BRD8: variants seen among roughly 807,000 people sequenced by gnomAD.
The protein encoded by BRD8 is bromodomain-containing protein 8.
A neutral mutation model predicts 143.1 loss-of-function variants in BRD8; 67 were observed. The observed-to-expected ratio is 0.47, with a 90% CI of 0.38 to 0.57. The LOEUF (loss-of-function observed/expected upper bound fraction) is 0.57. BRD8 is among the 20% of genes least tolerant of loss of function. The pLI is 0.00. For missense variants in BRD8, 1,103 were observed against 1,503.0 expected (o/e 0.73, Z 4.40); for synonymous variants, 505 against 517.1 (o/e 0.98, Z 0.32).
intron 6 of BRD8, 119 bp from the exon 7 acceptor site, chr5:138,170,528 C>A: frequency 9.3e-7 from 1 of 1,078,962 alleles, no homozygotes; most frequent in Non-Finnish European, 1.4e-6. Context: ...AAGGCCTAAA[C>A]AGGAATTCTA....
chr5:138,173,673 C>A (rs1040914331), intron 2 of BRD8, among the ~76,000 whole-genome samples: 5 of 152,236 alleles, frequency 3.3e-5, no homozygotes, highest in African/African-American at 9.6e-5. Context: ...GCTTAGGCAA[C>A]CTCCCACTGC....
intron 20 of BRD8, among the ~76,000 whole-genome samples, chr5:138,153,492 C>T (rs959396090): frequency 6.6e-6 from 1 of 152,066 alleles, no homozygotes; most frequent in African/African-American, 2.4e-5. Flanking sequence ...TCCCAAATCT[C>T]TCTACCTTTA....
intron 10 of BRD8, 132 bp from the exon 11 acceptor site, chr5:138,166,240 G>T: frequency 1.4e-6 from 1 of 708,954 alleles, no homozygotes; most frequent in Non-Finnish European, 2.4e-6. Context: ...ATCAACATGT[G>T]CCTATGTTTT....
intron 20 of BRD8, among the ~76,000 whole-genome samples, chr5:138,155,074 G>A (rs1452687549): frequency 2.6e-5 from 4 of 151,854 alleles, no homozygotes; most frequent in South Asian, 2.1e-4. Flanking sequence ...CAAGTGATCC[G>A]CCCACCTTGG....
At chr5:138,143,547 G>A (rs1044428957) in intron 25 of BRD8, among the ~76,000 whole-genome samples, 1 of 152,164 alleles carries the variant, frequency 6.6e-6, no homozygotes, top group African/African-American at 2.4e-5. Flanking sequence ...GGGCTTCTGG[G>A]TTGGGTGGGA....
chr5:138,145,135 A>G (rs750992659), intron 25 of BRD8, 42 bp downstream of exon 25: 1 of 1,558,240 alleles, frequency 6.4e-7, no homozygotes, highest in East Asian at 2.2e-5. Flanking sequence ...GAAAAGGCAG[A>G]TATAAAAGCA....
intron 20 of BRD8, among the ~76,000 whole-genome samples, chr5:138,155,105 A>G (rs1752528581): frequency 6.6e-6 from 1 of 151,892 alleles, no homozygotes; most frequent in Admixed American, 6.6e-5. Flanking sequence ...TGCTGGGATT[A>G]CAGGTGTGAG....
At chr5:138,168,757 G>A in intron 8 of BRD8, 2 of 795,360 alleles carry the variant, frequency 2.5e-6, no homozygotes, top group Non-Finnish European at 4.2e-6. Context: ...ATCTGTATGG[G>A]TTAGTGTGTC....
intron 23 of BRD8, among the ~76,000 whole-genome samples, chr5:138,148,171 A>G (rs867403057): frequency 6.0e-4 from 91 of 150,424 alleles, no homozygotes; most frequent in South Asian, 2.9e-3. Context: ...AAAAAAAAAA[A>G]AAAAAGAAAA....
chr5:138,140,773 T>C lies in BRD8; in HGVS notation c.3547A>G (p.Asn1183Asp). 1 of 1,614,138 alleles carries C rather than the reference T, an allele frequency of 6.2e-7. No individual in the cohort carries two copies. Among genetic ancestry groups the C allele is most frequent in the Non-Finnish European group, 8.5e-7 (1 of 1,180,018 alleles). Residue 1183 changes from asparagine (N) to aspartate (D), a missense_variant, in exon 26 of 27, where the codon AAT becomes GAT. Asn to Asp is a conservative substitution (Grantham distance 23). This residue lies in a region of BRD8 where 369 missense variants were observed against 445.5 expected (regional missense o/e 0.83). Coordinates refer to ENST00000254900, the MANE Select transcript of BRD8 (RefSeq NM_139199.2). ...TGGTATACATGATGATCAGAGTCAT[T>C]GTACATTACAGCATTTTGGAACATC... ...MLMFQNAVMYNDSDHHVYHMA... is the reference protein window; with the variant it reads ...MLMFQNAVMYDDSDHHVYHMA...
At position 138,161,574 on chromosome 5, in the gene BRD8, C is replaced by A. The variant is rs531026101; in HGVS notation, c.2249+222G>T. On this transcript the variant is annotated intron_variant, in intron 17 of 26. Transcript: ENST00000254900. ...CAAGTGATTCACCCACCTCAGCACCCCCAAAGATTACAGGCGTGAGCCACC... is the reference window on the plus strand; with the variant it reads ...CAAGTGATTCACCCACCTCAGCACCACCAAAGATTACAGGCGTGAGCCACC... Among the ~76,000 whole-genome samples, 9 of 152,292 alleles carry A rather than the reference C, an allele frequency of 5.9e-5. No homozygotes were observed. In the East Asian group the frequency reaches 1.7e-3, roughly 29 times the overall value.
chr5:138,174,333 G>A (rs1041719590), intron 2 of BRD8, among the ~76,000 whole-genome samples: 5 of 152,118 alleles, frequency 3.3e-5, no homozygotes, highest in African/African-American at 9.7e-5. Flanking sequence ...CGTAGCTCAT[G>A]CCTGTAATCC....
chr5:138,141,132 A>ATT (rs34463315), intron 25 of BRD8, among the ~76,000 whole-genome samples: 5 of 144,598 alleles, frequency 3.5e-5, no homozygotes, highest in Non-Finnish European at 3.0e-5. Flanking sequence ...TTAATATCTC[A>ATT]TTTTTTTTTT....
chr5:138,166,341 C>T (rs2151205267), intron 10 of BRD8, 177 bp downstream of exon 10: 2 of 617,690 alleles, frequency 3.2e-6, no homozygotes, highest in South Asian at 2.0e-5. Context: ...TACATAAATG[C>T]CCACCCACCT....
At chr5:138,176,922 C>A (rs1347001376) in intron 2 of BRD8, among the ~76,000 whole-genome samples, 2 of 150,666 alleles carry the variant, frequency 1.3e-5, no homozygotes, top group Non-Finnish European at 3.0e-5. Context: ...CCCATCTCTA[C>A]AAAAAAATAA....
intron 15 of BRD8, among the ~76,000 whole-genome samples, chr5:138,162,812 T>G (rs1561609273): frequency 6.6e-6 from 1 of 151,926 alleles, no homozygotes; most frequent in Non-Finnish European, 1.5e-5. Context: ...GCCTGGGCAA[T>G]GTAGCAAAAC....
At chr5:138,170,240 A>G (rs1174932979) in intron 7 of BRD8, 105 bp downstream of exon 7, 2 of 849,210 alleles carry the variant, frequency 2.4e-6, no homozygotes, top group South Asian at 1.5e-5. Flanking sequence ...GAAAACTGCA[A>G]GTAAATTTAA....
chr5:138,163,353 C>A lies in BRD8; in HGVS notation c.1873-9G>T. 1 of 1,612,266 alleles carries A rather than the reference C, an allele frequency of 6.2e-7. No homozygotes were observed. Among genetic ancestry groups the A allele is most frequent in the Non-Finnish European group, 8.5e-7 (1 of 1,178,560 alleles). On this transcript the variant is annotated splice_polypyrimidine_tract_variant and intron_variant, in intron 14 of 26. Coordinates refer to ENST00000254900, the MANE Select transcript of BRD8 (RefSeq NM_139199.2). ...TCCTCACCTGGGGCATCCTTAGATACAGTATGCTCCAGTTAACAAATGCAA... is the reference window on the plus strand; with the variant it reads ...TCCTCACCTGGGGCATCCTTAGATAAAGTATGCTCCAGTTAACAAATGCAA...
chr5:138,151,826 G>A (rs1201937056), intron 21 of BRD8, among the ~76,000 whole-genome samples: 2 of 151,922 alleles, frequency 1.3e-5, no homozygotes, highest in Non-Finnish European at 2.9e-5. Context: ...ACCAAGCCCG[G>A]CTAATTTTTT....
Sources: allele counts gnomAD v4.1 joint callset (sites outside exome capture counted in the v4.1 genomes callset), GRCh38; gene constraint gnomAD v4.1.1; regional missense constraint gnomAD v4.1.1; transcripts MANE v1.5; gene names NCBI Gene and HGNC (gene_info 2026-07-23, HGNC 2026-07-21).